Variants in LRP1 observed in about 807,000 individuals in gnomAD.
LRP1 encodes LDL receptor related protein 1.
LRP1 carries 51 observed loss-of-function variants against 541.5 expected under a neutral mutation model. The ratio of observed to expected loss-of-function variants is 0.09; its 90% CI spans 0.08 to 0.12. LRP1 has a LOEUF of 0.12. Ranked by LOEUF, LRP1 falls within the 10% of genes least tolerant of loss-of-function variation. The pLI is 1.00. For synonymous variants in LRP1, 2,219 were observed against 2,470.8 expected (o/e 0.90, Z 3.02); for missense variants, 3,878 against 6,376.2 (o/e 0.61, Z 13.34).
At chr12:57,181,966 A>G (rs1169197594) in intron 34 of LRP1, among the ~76,000 whole-genome samples, 3 of 152,214 alleles carry the variant, frequency 2.0e-5, no homozygotes, top group African/African-American at 7.2e-5. Flanking sequence ...TTTTACCAAA[A>G]GAAACTCTGA....
chr12:57,152,519 A>G (rs1414624066), intron 6 of LRP1, among the ~76,000 whole-genome samples: 1 of 151,902 alleles, frequency 6.6e-6, no homozygotes, highest in African/African-American at 2.4e-5. Flanking sequence ...ATTCATTTGA[A>G]TCTGTTTTCT....
At chr12:57,190,351 T>C (rs778412493) in intron 42 of LRP1, among the ~76,000 whole-genome samples, 76 of 152,206 alleles carry the variant, frequency 5.0e-4, no homozygotes, top group Non-Finnish European at 1.1e-3. Context: ...GTCCTTAAGA[T>C]GGAGATTAAC....
At chr12:57,144,951 T>C in intron 4 of LRP1, 21 bp from the exon 5 acceptor site, 1 of 1,612,284 alleles carries the variant, frequency 6.2e-7, no homozygotes, top group Non-Finnish European at 8.5e-7. Flanking sequence ...AATGACCACA[T>C]TCTTGCCCTT....
At position 57,199,234 on chromosome 12, in the gene LRP1, C is replaced by T. The variant is rs761031966; in HGVS notation, c.9699C>T (p.His3233=). ...CAGTGCTGAGCCAGGACATCCCGCACATCTTTGCACTGACCCTGTTTGAGG... is the reference window on the plus strand; with the variant it reads ...CAGTGCTGAGCCAGGACATCCCGCATATCTTTGCACTGACCCTGTTTGAGG... ...RHVVLSQDIP[H]IFALTLFEDY... Residue 3233 remains histidine, a synonymous_variant, in exon 61 of 89, where the codon CAC becomes CAT. Coordinates refer to ENST00000243077, the MANE Select transcript of LRP1 (RefSeq NM_002332.3). 9 of 1,613,780 alleles carry T rather than the reference C, an allele frequency of 5.6e-6. No homozygotes were observed. The highest frequency in any genetic ancestry group is 1.6e-4 in the Middle Eastern group (1 of 6,062).
chr12:57,195,633 G>A (rs760854334), intron 52 of LRP1, 25 bp from the exon 53 acceptor site: 1 of 1,613,964 alleles, frequency 6.2e-7, no homozygotes, highest in South Asian at 1.1e-5. Context: ...CAGGGCTGAA[G>A]GGCTGTGTCC....
At chr12:57,191,036 C>A in intron 43 of LRP1, 27 bp downstream of exon 43, 11 of 1,593,876 alleles carry the variant, frequency 6.9e-6, no homozygotes, top group Non-Finnish European at 9.4e-6. Context: ...GGTGAGCTGG[C>A]GGGCGGCTGA....
At position 57,141,231 on chromosome 12, in the gene LRP1, G is replaced by A. The variant is rs1427210477; in HGVS notation, c.191-143G>A. Reference sequence around the variant, plus strand: ...CTACTGTGGGGAATATTGTAAAAGAGTTCCAGGTGGAAGAGTCTAACTAGC... The same window carrying A: ...CTACTGTGGGGAATATTGTAAAAGAATTCCAGGTGGAAGAGTCTAACTAGC... On this transcript the variant is annotated intron_variant, in intron 2 of 88. Transcript: ENST00000243077. The A allele has an allele frequency of 3.5e-6, 3 of 862,134 alleles. No individual in the cohort carries two copies. In the African/African-American group the frequency reaches 5.1e-5, roughly 15 times the overall value. The allele number at this position is 862,134 out of a possible 1,614,324, so 53.4% of individuals were successfully genotyped here. A position where few individuals can be genotyped will look rare whatever the true frequency, so the allele number is the denominator to read the frequency against.
chr12:57,190,852 G>A lies in LRP1; in HGVS notation c.7079G>A (p.Arg2360Gln). Residue 2360 changes from arginine to glutamine, a missense_variant, in exon 43 of 89, where the codon CGG (arginine) becomes CAG (glutamine). By Grantham distance (43) the Arg-to-Gln change is conservative (BLOSUM62 1). This residue lies in a region of LRP1 where 1,100 missense variants were observed against 1,827.4 expected (regional missense o/e 0.60). Transcript: ENST00000243077. ...NWNEQHPSIMRAALSGANVLT... is the reference protein window; with the variant it reads ...NWNEQHPSIMQAALSGANVLT... ...AATGAGCAGCATCCCAGCATCATGC[G>A]GGCGGCGCTCTCGGGAGCCAATGTC... 9 of 1,613,972 alleles carry A rather than the reference G, an allele frequency of 5.6e-6. No individual in the cohort carries two copies. The highest frequency in any genetic ancestry group is 7.6e-6 in the Non-Finnish European group (9 of 1,179,990).
chr12:57,198,635 A>T lies in LRP1; in HGVS notation c.9641A>T (p.Glu3214Val), dbSNP rs561184574. ...YWADAREDYI[E>V]FASLDGSNRH... is the part of the protein sequence containing the mutation. ...GCCGACGCCCGCGAGGACTACATTG[A>T]ATTTGCCAGCCTGGATGGCTCCAAT... Residue 3214 changes from glutamate to valine, a missense_variant, in exon 60 of 89, where the codon GAA becomes GTA. Physicochemically the swap from Glu to Val is moderately radical, Grantham distance 121 (BLOSUM62 -2). This residue lies in a region of LRP1 where 1,100 missense variants were observed against 1,827.4 expected (regional missense o/e 0.60). Coordinates refer to ENST00000243077, the MANE Select transcript of LRP1 (RefSeq NM_002332.3). 1.2e-6 allele frequency: 2 copies of T among 1,612,964 alleles called. No homozygotes were observed. Among genetic ancestry groups the T allele is most frequent in the East Asian group, 4.5e-5 (2 of 44,830 alleles).
intron 6 of LRP1, among the ~76,000 whole-genome samples, chr12:57,145,951 A>G (rs1040291106): frequency 6.6e-6 from 1 of 152,076 alleles, no homozygotes; most frequent in Non-Finnish European, 1.5e-5. Context: ...ACCATTGCCA[A>G]TGGACTCTCT....
chr12:57,166,392 T>G, intron 17 of LRP1, 183 bp downstream of exon 17: 1 of 753,880 alleles, frequency 1.3e-6, no homozygotes, highest in South Asian at 2.1e-5. Flanking sequence ...TCCCACTCTT[T>G]ACAAAAAAAA....
chr12:57,180,642 G>A, intron 32 of LRP1, 25 bp from the exon 33 acceptor site: 1 of 1,613,674 alleles, frequency 6.2e-7, no homozygotes, highest in South Asian at 1.1e-5. Context: ...CTTCCCAAGG[G>A]TCTCATCCCC....
At chr12:57,166,875 G>A in intron 17 of LRP1, 55 bp from the exon 18 acceptor site, 2 of 882,470 alleles carry the variant, frequency 2.3e-6, no homozygotes, top group Non-Finnish European at 3.8e-6. Flanking sequence ...GGGAAGAAGA[G>A]GCAGTGAAGA....
At position 57,211,388 on chromosome 12, in the gene LRP1, GC is replaced by G; in HGVS notation, c.13091+42del. On this transcript the variant is annotated intron_variant, in intron 84 of 88. Transcript: ENST00000243077. The surrounding 1 kb of genome is among the most constrained non-coding windows in gnomAD (Gnocchi z 4.3). ...CTCCTCCACAGTTCCACCCAGCTGG[GC>G]CCCTGCCCTGTCCTAGCCCTGCCCT... 1 of 1,610,430 alleles carries G rather than the reference GC, an allele frequency of 6.2e-7. No homozygotes were observed. The highest frequency in any genetic ancestry group is 1.1e-5 in the South Asian group (1 of 91,006).
At chr12:57,151,962 C>G (rs1042701427) in intron 6 of LRP1, among the ~76,000 whole-genome samples, 1 of 152,124 alleles carries the variant, frequency 6.6e-6, no homozygotes, top group African/African-American at 2.4e-5. Context: ...CCAGGCAGGC[C>G]GAGGACTCCA....
chr12:57,195,348 G>T lies in LRP1; in HGVS notation c.8386G>T (p.Gly2796Cys), dbSNP rs148421667. Reference protein sequence around the residue: ...VCVPERWLCDGDKDCADGADE... With the variant: ...VCVPERWLCDCDKDCADGADE... ...CGTCCCCGAGCGCTGGCTCTGTGAC[G>T]GTGACAAAGACTGTGCTGATGGTGC... Residue 2796 changes from glycine (G) to cysteine (C), a missense_variant, in exon 52 of 89, where the codon GGT becomes TGT. Transcript: ENST00000243077. The T allele has an allele frequency of 1.2e-6, 2 of 1,612,100 alleles. No individual in the cohort carries two copies.
At chr12:57,199,775 G>C in intron 61 of LRP1, 102 bp from the exon 62 acceptor site, 1 of 1,373,834 alleles carries the variant, frequency 7.3e-7, no homozygotes, top group Non-Finnish European at 9.8e-7. Context: ...CCTAAAAGAG[G>C]CAGGGTTCAG....
Position 57,154,457 on chromosome 12 carries a change from T to G in LRP1, c.1005-22T>G. On this transcript the variant is annotated intron_variant, in intron 7 of 88. Coordinates refer to ENST00000243077, the MANE Select transcript of LRP1 (RefSeq NM_002332.3). This position sits in a 1 kb window ranked among gnomAD's most constrained non-coding sequence, Gnocchi z 4.6. ...GAGGGTGCCCAATGTCCAGACCCCATTTAACATGCATCTTCCCACAGGAAG... is the reference window on the plus strand; with the variant it reads ...GAGGGTGCCCAATGTCCAGACCCCAGTTAACATGCATCTTCCCACAGGAAG... 8 of 1,610,644 alleles carry G rather than the reference T, an allele frequency of 5.0e-6. No individual in the cohort carries two copies. Among genetic ancestry groups the G allele is most frequent in the Non-Finnish European group, 6.8e-6 (8 of 1,177,066 alleles).
rs2036066754 is a variant in LRP1 at position 57,177,337 on chromosome 12, T to C, written c.4197-90T>C. ...GGACACCTTACTCCTCAGTGCCATCTGCCTCCTCCCACCCTCTACCTACGA... is the reference window on the plus strand; with the variant it reads ...GGACACCTTACTCCTCAGTGCCATCCGCCTCCTCCCACCCTCTACCTACGA... On this transcript the variant is annotated intron_variant, in intron 25 of 88. Coordinates refer to ENST00000243077, the MANE Select transcript of LRP1 (RefSeq NM_002332.3). The surrounding 1 kb of genome is among the most constrained non-coding windows in gnomAD (Gnocchi z 6.8). 2.4e-5 allele frequency: 37 copies of C among 1,563,012 alleles called. No homozygotes were observed. The highest frequency in any genetic ancestry group is 3.1e-5 in the Non-Finnish European group (35 of 1,144,874).
Sources: allele counts gnomAD v4.1 joint callset (sites outside exome capture counted in the v4.1 genomes callset), GRCh38; gene constraint gnomAD v4.1.1; regional missense constraint gnomAD v4.1.1; non-coding constraint Gnocchi (gnomAD v3.1); transcripts MANE v1.5; gene names NCBI Gene and HGNC (gene_info 2026-07-23, HGNC 2026-07-21).